The following SEMA3A variants were observed in gnomAD, a reference collection of about 807,000 sequenced individuals.
The protein encoded by SEMA3A is semaphorin-3A.
In SEMA3A, 29 loss-of-function variants were observed where a neutral mutation model predicts 97.9. The ratio of observed to expected loss-of-function variants is 0.30; its 90% CI spans 0.22 to 0.40. The LOEUF is 0.40. SEMA3A is among the 10% of genes least tolerant of loss of function. The pLI is 1.00. For synonymous variants in SEMA3A, 321 were observed against 323.7 expected (o/e 0.99, Z 0.09); for missense variants, 763 against 951.3 (o/e 0.80, Z 2.60).
At chr7:84,242,002 C>A (rs775526927) in intron 3 of SEMA3A, among the ~76,000 whole-genome samples, 18 of 152,122 alleles carry the variant, frequency 1.2e-4, no homozygotes, top group Non-Finnish European at 2.4e-4. Flanking sequence ...TGTTTTGGTA[C>A]CAACACCATG....
Position 84,249,986 on chromosome 7 carries a change from G to C in SEMA3A, c.-82-55318C>G, listed in dbSNP as rs2040757. Among the ~76,000 whole-genome samples, 7 of 150,274 alleles carry C rather than the reference G, an allele frequency of 4.7e-5. No individual in the cohort carries two copies. The South Asian group carries it at 8.3e-4, about 18-fold the overall frequency. ...TCTTTCTAATTGACTCTGCTCAAAC[G>C]TATGAAATATTATTACCACATTTCA... On this transcript the variant is annotated intron_variant, in intron 3 of 3. Transcript: ENST00000424555.
chr7:83,964,418 G>A (rs1166876047), intron 15 of SEMA3A, among the ~76,000 whole-genome samples: 1 of 151,742 alleles, frequency 6.6e-6, no homozygotes, highest in African/African-American at 2.4e-5. Context: ...CCCCTTTTTT[G>A]TCATCACTTT....
At chr7:84,030,675 C>A (rs950868744) in intron 6 of SEMA3A, among the ~76,000 whole-genome samples, 3 of 152,034 alleles carry the variant, frequency 2.0e-5, no homozygotes, top group African/African-American at 7.2e-5. Context: ...TTTGAAAGAA[C>A]AATTATAATA....
At chr7:84,159,736 T>G (rs1476368580) in intron 1 of SEMA3A, among the ~76,000 whole-genome samples, 1 of 152,214 alleles carries the variant, frequency 6.6e-6, no homozygotes, top group Non-Finnish European at 1.5e-5. Flanking sequence ...GTTAGACCCT[T>G]AGCTCTTGAT....
intron 4 of SEMA3A, among the ~76,000 whole-genome samples, chr7:84,067,092 G>C (rs1020734063): frequency 1.9e-4 from 29 of 152,292 alleles, no homozygotes; most frequent in African/African-American, 7.0e-4. Flanking sequence ...CAACGGAAGA[G>C]AACAGAGCCC....
intron 6 of SEMA3A, among the ~76,000 whole-genome samples, chr7:84,034,916 CATTTT>C (rs1393854430): frequency 6.6e-6 from 1 of 152,082 alleles, no homozygotes; most frequent in Non-Finnish European, 1.5e-5. Flanking sequence ...CGTTTCCTCT[CATTTT>C]ATTTTATTAG....
intron 1 of SEMA3A, among the ~76,000 whole-genome samples, chr7:84,166,163 A>C (rs6946868): frequency 0.45 from 68,813 of 151,490 alleles, 16,003 homozygotes; most frequent in Admixed American, 0.53. Flanking sequence ...GTAGTCTCAG[A>C]TTCTGGGGAG....
At chr7:84,014,166 T>C (rs764314747) in intron 7 of SEMA3A, 43 bp downstream of exon 7, 1 of 1,568,198 alleles carries the variant, frequency 6.4e-7, no homozygotes, top group South Asian at 1.2e-5. Flanking sequence ...AAAGCTGTTA[T>C]GGGAAAATGA....
intron 1 of SEMA3A, among the ~76,000 whole-genome samples, chr7:84,391,175 C>T (rs1803563624): frequency 6.6e-6 from 1 of 152,146 alleles, no homozygotes; most frequent in South Asian, 2.1e-4. Context: ...TTTCATAGGA[C>T]AAACCTTCTA....
chr7:84,009,791 AAGAG>A (rs1790804292), intron 9 of SEMA3A, among the ~76,000 whole-genome samples: 1 of 151,780 alleles, frequency 6.6e-6, no homozygotes, highest in Non-Finnish European at 1.5e-5. Flanking sequence ...AAGAGAGAGA[AAGAG>A]AGGAAGTAGA....
chr7:84,218,521 C>T (rs1798802284), intron 3 of SEMA3A, among the ~76,000 whole-genome samples: 1 of 151,966 alleles, frequency 6.6e-6, no homozygotes, highest in African/African-American at 2.4e-5. Context: ...GGCAAAATTG[C>T]TTAGAAACAT....
chr7:84,158,379 C>T (rs111679329), intron 1 of SEMA3A, among the ~76,000 whole-genome samples: 9,729 of 152,018 alleles, frequency 0.064, 665 homozygotes, highest in African/African-American at 0.17. Context: ...GTCTTGAACT[C>T]CTGACCTCGT....
rs548362520 is a variant in SEMA3A, at chr7:84,384,465, A to G, written c.-245-12565T>C. On this transcript the variant is annotated intron_variant, in intron 1 of 3. Coordinates refer to the SEMA3A transcript ENST00000424555. ...ACCATAATTTCCATTAAATATGGTA[A>G]CAGAGTATGTTAGTCAGGAAAGGTT... 3.9e-5 allele frequency among the ~76,000 whole-genome samples: 6 copies of G among 152,324 alleles called. No individual in the cohort carries two copies. In the South Asian group the frequency reaches 6.2e-4, roughly 16 times the overall value.
chr7:84,487,149 A>AATTTTT (rs1458155939), intron 1 of SEMA3A, among the ~76,000 whole-genome samples: 10 of 152,196 alleles, frequency 6.6e-5, no homozygotes, highest in African/African-American at 9.6e-5. Context: ...AATGGGCCTC[A>AATTTTT]AATGAAAAGA....
chr7:84,120,788 T>C (rs561707561), intron 3 of SEMA3A, among the ~76,000 whole-genome samples: 1 of 152,330 alleles, frequency 6.6e-6, no homozygotes, highest in African/African-American at 2.4e-5. Flanking sequence ...ACCCTATTTG[T>C]AAAGATAGCA....
At chr7:84,440,357 A>G (rs1248036082) in intron 1 of SEMA3A, among the ~76,000 whole-genome samples, 1 of 152,170 alleles carries the variant, frequency 6.6e-6, no homozygotes, top group Non-Finnish European at 1.5e-5. Flanking sequence ...TTCCTGGTGC[A>G]GCTTGAACAC....
intron 15 of SEMA3A, among the ~76,000 whole-genome samples, chr7:83,971,420 G>A (rs529116194): frequency 1.3e-3 from 165 of 126,486 alleles, no homozygotes; most frequent in African/African-American, 4.5e-3. Context: ...CAATAAGAGC[G>A]AAACTCCATC....
At chr7:84,417,203 A>T (rs569482209) in intron 1 of SEMA3A, among the ~76,000 whole-genome samples, 1 of 152,212 alleles carries the variant, frequency 6.6e-6, no homozygotes, top group East Asian at 1.9e-4. Flanking sequence ...GTACAAAATT[A>T]TTTCAGATAT....
chr7:84,110,872 T>A (rs531952909), intron 3 of SEMA3A, among the ~76,000 whole-genome samples: 1 of 152,080 alleles, frequency 6.6e-6, no homozygotes, highest in Non-Finnish European at 1.5e-5. Context: ...TATACAAAAG[T>A]GGAAAAGAAA....
Sources: gnomAD v4.1 joint callset for allele counts (sites outside exome capture counted in the v4.1 genomes callset) on GRCh38, gnomAD v4.1.1 for gene constraint, MANE v1.5 for transcripts, NCBI Gene and HGNC (gene_info 2026-07-23, HGNC 2026-07-21) for gene names.